The following MTMR4 variants were observed in gnomAD, a reference collection of about 807,000 sequenced individuals.
MTMR4 encodes myotubularin related protein 4, also known as phosphatidylinositol-3,5-bisphosphate 3-phosphatase MTMR4.
Under a neutral mutation model 125.5 loss-of-function variants are expected in MTMR4, and 30 were observed. That is an observed-to-expected ratio of 0.24 (90% CI 0.18 to 0.32). The LOEUF (loss-of-function observed/expected upper bound fraction) is 0.32, where lower values mean the gene tolerates loss of function less well. MTMR4 is among the 10% of genes least tolerant of loss of function. The pLI, the probability that MTMR4 is intolerant of heterozygous loss-of-function variation, is 1.00. For missense variants in MTMR4, 1,039 were observed against 1,511.5 expected (o/e 0.69, Z 5.18); for synonymous variants, 498 against 564.5 (o/e 0.88, Z 1.67).
At chr17:58,518,200 T>G (rs1278296484), upstream of MTMR4, among the ~76,000 whole-genome samples, 1 of 152,230 alleles carries the variant, frequency 6.6e-6, no homozygotes, top group South Asian at 2.1e-4. Flanking sequence ...TGCTGGCCAC[T>G]GCTCTGGGGA....
At position 58,491,653 on chromosome 17, in the gene MTMR4, T is replaced by G. The variant is rs1975317505; in HGVS notation, c.*10A>C. The G allele has an allele frequency of 6.2e-7, 1 of 1,611,310 alleles. No individual in the cohort carries two copies. The highest frequency in any genetic ancestry group is 1.3e-5 in the African/African-American group (1 of 74,976). On this transcript the variant is annotated 3_prime_UTR_variant, in exon 18 of 18. Transcript: ENST00000682306. Reference sequence around the variant, plus strand: ...AACCTGCTAAAATTGGACAGGTTTCTCCCCGGCATTCAACTGGAAGCTGTA... The same window carrying G: ...AACCTGCTAAAATTGGACAGGTTTCGCCCCGGCATTCAACTGGAAGCTGTA...
chr17:58,513,541 T>C (rs1016570560), intron 1 of MTMR4, among the ~76,000 whole-genome samples: 4 of 152,038 alleles, frequency 2.6e-5, no homozygotes, highest in Non-Finnish European at 5.9e-5. Flanking sequence ...AAGCCCCCAT[T>C]ACCTGCCAAG....
chr17:58,500,318 G>C (rs970463732), intron 14 of MTMR4, among the ~76,000 whole-genome samples: 3 of 151,978 alleles, frequency 2.0e-5, no homozygotes, highest in African/African-American at 7.3e-5. Flanking sequence ...GTAGAGGTGG[G>C]GTTCTACCAT....
chr17:58,500,747 C>CA (rs60355286), intron 14 of MTMR4, among the ~76,000 whole-genome samples: 14,145 of 91,620 alleles, frequency 0.15, 1,491 homozygotes, highest in East Asian at 0.26. Flanking sequence ...GATTCTGTCT[C>CA]AAAAAAAAAA....
intron 10 of MTMR4, 115 bp from the exon 11 acceptor site, chr17:58,505,089 A>T: frequency 4.8e-6 from 5 of 1,033,248 alleles, no homozygotes; most frequent in Non-Finnish European, 4.2e-6. Flanking sequence ...TGAAACCAAG[A>T]GGTACAACCC....
At chr17:58,505,772 G>C (rs2143899612) in intron 9 of MTMR4, among the ~76,000 whole-genome samples, 189 bp from the exon 10 acceptor site, 1 of 152,326 alleles carries the variant, frequency 6.6e-6, no homozygotes, top group African/African-American at 2.4e-5. Flanking sequence ...GCTGGCCATA[G>C]TGGTAGGCAC....
chr17:58,495,841 G>C lies in MTMR4; in HGVS notation c.2343C>G (p.Val781=), dbSNP rs1361778260. The change falls in exon 15 of 18, where the codon GTC becomes GTG. Residue 781 remains valine (V), a synonymous_variant. Coordinates refer to ENST00000682306, the MANE Select transcript of MTMR4 (RefSeq NM_001378067.1). ...ETEAVSALSK[V]ISNKCDGVCN... The stretch of plus-strand genomic sequence containing the variant: ...AAACTCCATCACACTTGTTAGAAAT[G>C]ACCTTGGAGAGTGCACTGACAGCTT... 1 of 1,614,052 alleles carries C rather than the reference G, an allele frequency of 6.2e-7. No homozygotes were observed. Among genetic ancestry groups the C allele is most frequent in the Non-Finnish European group, 8.5e-7 (1 of 1,180,038 alleles).
rs749226358 is a variant in MTMR4, at chr17:58,512,525, A to G, written c.136-19T>C. 7 of 1,586,932 alleles carry G rather than the reference A, an allele frequency of 4.4e-6. No homozygotes were observed. Among genetic ancestry groups the G allele is most frequent in the Non-Finnish European group, 6.1e-6 (7 of 1,155,658 alleles). ...AGGGGACCTGTCAAGGGGCAGAGAA[A>G]CCTTCAGTCCAGAAGTGAGTGACCA... On this transcript the variant is annotated intron_variant, in intron 2 of 17. Transcript: ENST00000682306. The surrounding 1 kb of genome is among the most constrained non-coding windows in gnomAD (Gnocchi z 4.1).
chr17:58,491,462 A>G lies in MTMR4; in HGVS notation c.*201T>C, dbSNP rs1306906194. 6.2e-6 allele frequency: 3 copies of G among 483,736 alleles called. No homozygotes were observed. Among genetic ancestry groups the G allele is most frequent in the African/African-American group, 2.0e-5 (1 of 50,750 alleles). 30.0% of individuals were successfully genotyped at this position (483,736 alleles called of 1,614,324 possible). On this transcript the variant is annotated 3_prime_UTR_variant, in exon 18 of 18. Transcript: ENST00000682306. Reference sequence around the variant, plus strand: ...GGTCTGGGTTAGGACCATTACCCCAAGGTGAGGGTATCACCAGTAGAGGAC... The same window carrying G: ...GGTCTGGGTTAGGACCATTACCCCAGGGTGAGGGTATCACCAGTAGAGGAC...
At chr17:58,515,031 C>A (rs569621887), upstream of MTMR4, 1,249 of 985,294 alleles carry the variant, frequency 1.3e-3, 1 homozygote, top group Non-Finnish European at 1.4e-3. Flanking sequence ...CCCGTGACTT[C>A]GTTAAACCTT....
Position 58,504,149 on chromosome 17 carries a change from C to T in MTMR4, c.1599G>A (p.Glu533=). The T allele has an allele frequency of 6.2e-7, 1 of 1,612,744 alleles. No homozygotes were observed. The highest frequency in any genetic ancestry group is 1.1e-5 in the South Asian group (1 of 90,912). ...TFLANNPCER[E]KRNIYKRTCS... ...AGGTCCGCTTGTAGATGTTGCGCTTCTCTCGCTCACAGGGGTTGTTGGCCA... is the reference window on the plus strand; with the variant it reads ...AGGTCCGCTTGTAGATGTTGCGCTTTTCTCGCTCACAGGGGTTGTTGGCCA... The change falls in exon 13 of 18, where the codon GAG becomes GAA. Residue 533 remains glutamate, a synonymous_variant. Coordinates refer to ENST00000682306, the MANE Select transcript of MTMR4 (RefSeq NM_001378067.1). This position sits in a 1 kb window ranked among gnomAD's most constrained non-coding sequence, Gnocchi z 7.1.
At chr17:58,511,653 C>T in intron 3 of MTMR4, 142 bp from the exon 4 acceptor site, 1 of 630,792 alleles carries the variant, frequency 1.6e-6, no homozygotes. Flanking sequence ...GGTAACTGTA[C>T]GGAGTCCTCT....
rs1975311869 is a variant in MTMR4 at position 58,491,460 on chromosome 17, C to T, written c.*203G>A. The T allele has an allele frequency of 2.1e-6, 1 of 479,232 alleles. No homozygotes were observed. The highest frequency in any genetic ancestry group is 3.7e-6 in the Non-Finnish European group (1 of 270,824). The allele number at this position is 479,232 out of a possible 1,614,324, so 29.7% of individuals were successfully genotyped here. ...TGGGTCTGGGTTAGGACCATTACCC[C>T]AAGGTGAGGGTATCACCAGTAGAGG... On this transcript the variant is annotated 3_prime_UTR_variant, in exon 18 of 18. Transcript: ENST00000682306.
At chr17:58,492,645 T>A in intron 16 of MTMR4, 46 bp from the exon 17 acceptor site, 3 of 1,565,786 alleles carry the variant, frequency 1.9e-6, no homozygotes, top group Middle Eastern at 1.7e-4. Context: ...GTTGACAGAC[T>A]GGAAGAGCAA....
rs1171740055 is a variant in MTMR4, at chr17:58,495,416, C to T, written c.2768G>A (p.Ser923Asn). ...GAATGAAGTCACCATCCCTTGGAAGCTGTCCCAGTTGGACCCTAGAAAAGA... is the reference window on the plus strand; with the variant it reads ...GAATGAAGTCACCATCCCTTGGAAGTTGTCCCAGTTGGACCCTAGAAAAGA... ...EFSFLGSNWD[S>N]FQGMVTSFPS... The change falls in exon 15 of 18, where the codon AGC (serine) becomes AAC (asparagine). Residue 923 changes from serine to asparagine, a missense_variant. This residue lies in a region of MTMR4 where 619 missense variants were observed against 714.5 expected (regional missense o/e 0.87). Transcript: ENST00000682306. 6.2e-7 allele frequency: 1 copy of T among 1,614,260 alleles called. No individual in the cohort carries two copies. Among genetic ancestry groups the T allele is most frequent in the South Asian group, 1.1e-5 (1 of 91,086 alleles).
Position 58,490,686 on chromosome 17 carries a change from G to A in MTMR4, c.*977C>T, listed in dbSNP as rs563939524. On this transcript the variant is annotated 3_prime_UTR_variant, in exon 18 of 18. Coordinates refer to ENST00000682306, the MANE Select transcript of MTMR4 (RefSeq NM_001378067.1). The stretch of plus-strand genomic sequence containing the variant: ...GCAATGTGACCCAGAGGAGGCATCA[G>A]CCAAGGGAAAGACAACATGGGGGAA... 3 of 152,750 alleles carry A rather than the reference G, an allele frequency of 2.0e-5. No individual in the cohort carries two copies. Among genetic ancestry groups the A allele is most frequent in the East Asian group, 3.9e-4 (2 of 5,188 alleles). 9.5% of individuals were successfully genotyped at this position (152,750 alleles called of 1,614,324 possible).
At position 58,512,255 on chromosome 17, in the gene MTMR4, G is replaced by A; in HGVS notation, c.252+135C>T. On this transcript the variant is annotated intron_variant, in intron 3 of 17. Transcript: ENST00000682306. The surrounding 1 kb of genome is among the most constrained non-coding windows in gnomAD (Gnocchi z 4.1). ...CCCGCCTCGGCCTCCCAAAGTGCTG[G>A]GATTACAGGCGTGAGCCACTGCGCC... The A allele has an allele frequency of 4.2e-6, 3 of 718,358 alleles. No individual in the cohort carries two copies. Among genetic ancestry groups the A allele is most frequent in the Non-Finnish European group, 7.3e-6 (3 of 412,446 alleles). The allele number at this position is 718,358 out of a possible 1,614,324, so 44.5% of individuals were successfully genotyped here. A position where few individuals can be genotyped will look rare whatever the true frequency, so the allele number is the denominator to read the frequency against.
Position 58,505,494 on chromosome 17 carries a change from T to C in MTMR4, c.1123A>G (p.Ser375Gly), listed in dbSNP as rs1975755663. ...TACTTGCTAGGATCCGGCATCTGGC[T>C]ACACACAGCCCGGAGGTACTGAAAG... Reference protein sequence around the residue: ...NSFQYLRAVCSQMPDPSNWLS... With the variant: ...NSFQYLRAVCGQMPDPSNWLS... The change falls in exon 10 of 18, where the codon AGC becomes GGC. Residue 375 changes from serine to glycine, a missense_variant. Physicochemically the swap from Ser to Gly is moderately conservative, Grantham distance 56 (BLOSUM62 0). Around this residue, in one of 6 missense-constraint regions of MTMR4, gnomAD observed 107 missense variants for 267.4 expected, o/e 0.40. Transcript: ENST00000682306. 6.2e-7 allele frequency: 1 copy of C among 1,612,876 alleles called. No individual in the cohort carries two copies. Among genetic ancestry groups the C allele is most frequent in the Non-Finnish European group, 8.5e-7 (1 of 1,179,244 alleles).
chr17:58,512,847 C>T lies in MTMR4; in HGVS notation c.135+5G>A. ...CATCTATCCTGGCCCCCAACTCCTC[C>T]TTACCTGAAGATTCTCTTCCTCCTT... On this transcript the variant is annotated splice_donor_5th_base_variant and intron_variant, in intron 2 of 17. Coordinates refer to ENST00000682306, the MANE Select transcript of MTMR4 (RefSeq NM_001378067.1). This position sits in a 1 kb window ranked among gnomAD's most constrained non-coding sequence, Gnocchi z 4.1. 1 of 1,612,540 alleles carries T rather than the reference C, an allele frequency of 6.2e-7. No homozygotes were observed. Among genetic ancestry groups the T allele is most frequent in the Non-Finnish European group, 8.5e-7 (1 of 1,178,904 alleles).
Sources: allele counts gnomAD v4.1 joint callset (sites outside exome capture counted in the v4.1 genomes callset), GRCh38; gene constraint gnomAD v4.1.1; regional missense constraint gnomAD v4.1.1; non-coding constraint Gnocchi (gnomAD v3.1); transcripts MANE v1.5; gene names NCBI Gene and HGNC (gene_info 2026-07-23, HGNC 2026-07-21).